The following NARS1 variants were observed in gnomAD, a reference collection of about 807,000 sequenced individuals.
The protein encoded by NARS1 is asparagine--tRNA ligase, cytoplasmic.
In NARS1, 65 loss-of-function variants were observed where a neutral mutation model predicts 79.2. The observed-to-expected ratio is 0.82, with a 90% CI of 0.67 to 1.01. The LOEUF is 1.01. Ranked by LOEUF, NARS1 falls within the 50% of genes least tolerant of loss-of-function variation. The probability of loss-of-function intolerance (pLI) is 0.00; values close to 1 mark genes in which losing one functional copy is unlikely to be tolerated. For missense variants in NARS1, 649 were observed against 673.8 expected, an observed-to-expected ratio of 0.96 and a Z score of 0.41; for synonymous variants, 229 against 238.8, an observed-to-expected ratio of 0.96 and a Z score of 0.38.
At chr18:57,621,569 C>T (rs1908305039) in intron 1 of NARS1, 139 bp downstream of exon 1, 2 of 478,082 alleles carry the variant, frequency 4.2e-6, no homozygotes, top group South Asian at 3.2e-5. Context: ...ACCCTCCCTC[C>T]CTCCCTCCCT....
intron 11 of NARS1, among the ~76,000 whole-genome samples, chr18:57,603,823 G>C (rs1400267338): frequency 9.4e-6 from 1 of 106,382 alleles, no homozygotes. Flanking sequence ...TAGTCTCTCA[G>C]CTTGCATCTG....
chr18:57,603,380 G>C (rs928553744), intron 11 of NARS1, among the ~76,000 whole-genome samples: 4 of 152,148 alleles, frequency 2.6e-5, no homozygotes, highest in African/African-American at 9.7e-5. Context: ...TCTACACACA[G>C]AGTATATTAC....
At chr18:57,613,710 CAAT>C (rs1568165646) in intron 4 of NARS1, 30 bp from the exon 5 acceptor site, 5 of 1,565,550 alleles carry the variant, frequency 3.2e-6, no homozygotes, top group Middle Eastern at 1.7e-4. Context: ...AACATTTGTT[CAAT>C]AATGTCATTT....
intron 11 of NARS1, among the ~76,000 whole-genome samples, chr18:57,605,645 CACTT>C (rs1188603550): frequency 6.6e-6 from 1 of 151,150 alleles, no homozygotes; most frequent in Non-Finnish European, 1.5e-5. Flanking sequence ...AAAAGAAACT[CACTT>C]ACGCTTACTG....
intron 11 of NARS1, among the ~76,000 whole-genome samples, chr18:57,605,018 C>G (rs2051541021): frequency 6.6e-6 from 1 of 151,632 alleles, no homozygotes; most frequent in Admixed American, 6.6e-5. Context: ...GCATTTTTAA[C>G]CAATGGCTAT....
At chr18:57,619,266 ATTT>A (rs57667136) in intron 2 of NARS1, among the ~76,000 whole-genome samples, 26 of 123,718 alleles carry the variant, frequency 2.1e-4, no homozygotes, top group East Asian at 9.2e-4. Context: ...TGCCTGGCTA[ATTT>A]TTTTTTTTTT....
intron 9 of NARS1, 112 bp from the exon 10 acceptor site, chr18:57,606,863 T>A: frequency 1.4e-6 from 2 of 1,434,474 alleles, no homozygotes; most frequent in Non-Finnish European, 1.9e-6. Flanking sequence ...TGCTACCAAT[T>A]CCCAACTTTG....
rs369480107 is a variant in NARS1 at position 57,621,584 on chromosome 18, T to C, written c.10+124A>G. ...ACCCTCCCTCCCTCCCTCCCTGCAA[T>C]CGGTCCCCAAACATTCGCGGGGCGC... On this transcript the variant is annotated intron_variant, in intron 1 of 13. Transcript: ENST00000256854. 1.6e-5 allele frequency: 6 copies of C among 380,536 alleles called. No individual in the cohort carries two copies. In the African/African-American group the frequency reaches 1.6e-4, roughly 10 times the overall value. 23.6% of individuals were successfully genotyped at this position (380,536 alleles called of 1,614,324 possible). A position where few individuals can be genotyped will look rare whatever the true frequency, so the allele number is the denominator to read the frequency against.
At chr18:57,620,535 G>C (rs1488564098) in intron 2 of NARS1, 34 bp downstream of exon 2, 2 of 1,356,138 alleles carry the variant, frequency 1.5e-6, no homozygotes, top group Non-Finnish European at 2.1e-6. Context: ...ATTAATAAAT[G>C]CAGTCTCATT....
chr18:57,619,004 A>G (rs898904860), intron 2 of NARS1, among the ~76,000 whole-genome samples: 2 of 152,242 alleles, frequency 1.3e-5, no homozygotes, highest in Non-Finnish European at 2.9e-5. Context: ...GAATGCTCCC[A>G]GATTAGGACT....
intron 5 of NARS1, among the ~76,000 whole-genome samples, chr18:57,612,518 C>T (rs1272943006): frequency 6.6e-6 from 1 of 152,170 alleles, no homozygotes; most frequent in African/African-American, 2.4e-5. Flanking sequence ...TCACTGCAAC[C>T]TCTGCCTCCC....
At chr18:57,611,593 T>C in intron 6 of NARS1, 44 bp downstream of exon 6, 1 of 1,314,964 alleles carries the variant, frequency 7.6e-7, no homozygotes, top group Non-Finnish European at 1.1e-6. Context: ...AGGAATCTAC[T>C]GAAAACATCT....
At position 57,606,668 on chromosome 18, in the gene NARS1, A is replaced by C; in HGVS notation, c.1085T>G (p.Val362Gly). 1 of 1,614,046 alleles carries C rather than the reference A, an allele frequency of 6.2e-7. No individual in the cohort carries two copies. Among genetic ancestry groups the C allele is most frequent in the Non-Finnish European group, 8.5e-7 (1 of 1,179,976 alleles). Residue 362 changes from valine to glycine, a missense_variant, in exon 10 of 14, where the codon GTA (valine) becomes GGA (glycine). Coordinates refer to ENST00000256854, the MANE Select transcript of NARS1 (RefSeq NM_004539.4). ...NRLEDLVCDVVDRILKSPAGS... is the reference protein window; with the variant it reads ...NRLEDLVCDVGDRILKSPAGS... ...TGCAGGTGACTTCAATATTCGATCT[A>C]CCACATCACAAACCAAGTCCTCCAA...
At chr18:57,605,829 G>A in intron 11 of NARS1, 28 bp downstream of exon 11, 11 of 1,472,080 alleles carry the variant, frequency 7.5e-6, no homozygotes, top group East Asian at 2.4e-5. Flanking sequence ...ATCCCACCTT[G>A]GAAACAATGA....
Position 57,607,319 on chromosome 18 carries a change from T to C in NARS1, c.816A>G (p.Thr272=), listed in dbSNP as rs761227631. ...DRGYYEVTPP[T]LVQTQVEGGA... ...CACCTTCTACTTGTGTTTGCACTAA[T>C]GTTGGAGGAGTAACCTGTTCAAATG... Residue 272 remains threonine, a synonymous_variant, in exon 9 of 14, where the codon ACA becomes ACG. Transcript: ENST00000256854. 23 of 1,614,052 alleles carry C rather than the reference T, an allele frequency of 1.4e-5. No individual in the cohort carries two copies. The Admixed American group carries it at 3.3e-4, about 23-fold the overall frequency.
At chr18:57,606,474 A>T in intron 10 of NARS1, 142 bp downstream of exon 10, 1 of 756,034 alleles carries the variant, frequency 1.3e-6, no homozygotes, top group Non-Finnish European at 2.1e-6. Flanking sequence ...GACAGTGACT[A>T]ACATCAAATT....
chr18:57,621,525 G>T (rs1280949583), intron 1 of NARS1, among the ~76,000 whole-genome samples, 183 bp downstream of exon 1: 1 of 152,174 alleles, frequency 6.6e-6, no homozygotes, highest in African/African-American at 2.4e-5. Context: ...AGCCCGGCCT[G>T]GCCCTTCAAG....
chr18:57,610,746 T>A (rs777662176), intron 6 of NARS1, among the ~76,000 whole-genome samples: 5 of 151,804 alleles, frequency 3.3e-5, no homozygotes, highest in South Asian at 2.1e-4. Context: ...AGGGGGCGGG[T>A]TGCAAAAGAA....
chr18:57,616,858 C>T (rs1027962544), intron 2 of NARS1, among the ~76,000 whole-genome samples: 3 of 139,228 alleles, frequency 2.2e-5, no homozygotes, highest in Middle Eastern at 4.2e-3. Flanking sequence ...AAAAATTAGC[C>T]GGGTGTGGTG....
Sources: allele counts gnomAD v4.1 joint callset (sites outside exome capture counted in the v4.1 genomes callset), GRCh38; gene constraint gnomAD v4.1.1; transcripts MANE v1.5; gene names NCBI Gene and HGNC (gene_info 2026-07-23, HGNC 2026-07-21).